Variants in MYRIP observed in about 807,000 individuals in gnomAD.
MYRIP encodes myosin VIIA and Rab interacting protein, also known as rab effector MyRIP.
MYRIP carries 49 observed loss-of-function variants against 98.0 expected under a neutral mutation model. The ratio of observed to expected loss-of-function variants is 0.50; its 90% CI spans 0.40 to 0.63. MYRIP has a LOEUF of 0.63. MYRIP is among the 30% of genes least tolerant of loss of function. MYRIP has a pLI of 0.00. For missense variants in MYRIP, 1,004 were observed against 1,058.2 expected (o/e 0.95, Z 0.71); for synonymous variants, 404 against 409.5 (o/e 0.99, Z 0.16).
At chr3:39,909,664 C>T (rs1943968378) in intron 2 of MYRIP, among the ~76,000 whole-genome samples, 1 of 152,048 alleles carries the variant, frequency 6.6e-6, no homozygotes, top group Admixed American at 6.5e-5. Context: ...TGGATTGACA[C>T]ATAGGTCTGA....
chr3:39,923,394 C>T (rs2125692984), intron 2 of MYRIP, among the ~76,000 whole-genome samples: 1 of 152,086 alleles, frequency 6.6e-6, no homozygotes, highest in East Asian at 1.9e-4. Flanking sequence ...CAAGACACAT[C>T]CTAACTATAC....
intron 1 of MYRIP, chr3:39,810,793 G>T (rs1003696812): frequency 5.3e-5 from 8 of 152,188 alleles, no homozygotes; most frequent in Non-Finnish European, 1.0e-4. Flanking sequence ...GGATAAGTAC[G>T]TATCCCAAAA....
chr3:40,126,318 T>C (rs1949525570), intron 3 of MYRIP, among the ~76,000 whole-genome samples: 1 of 152,170 alleles, frequency 6.6e-6, no homozygotes, highest in African/African-American at 2.4e-5. Context: ...CATATTCACG[T>C]TTAAGAACTG....
At chr3:39,891,473 C>T (rs75141965) in intron 1 of MYRIP, among the ~76,000 whole-genome samples, 3,684 of 152,172 alleles carry the variant, frequency 0.024, 107 homozygotes, top group East Asian at 0.09. Context: ...CTATTGAAGA[C>T]TTTCAGATTA....
At chr3:39,938,496 G>A (rs552058781) in intron 2 of MYRIP, among the ~76,000 whole-genome samples, 1 of 152,172 alleles carries the variant, frequency 6.6e-6, no homozygotes, top group South Asian at 2.1e-4. Flanking sequence ...CCCAAAGATG[G>A]GATTGCTAGG....
At chr3:40,046,984 C>T (rs1947682535) in intron 3 of MYRIP, among the ~76,000 whole-genome samples, 1 of 152,244 alleles carries the variant, frequency 6.6e-6, no homozygotes, top group Admixed American at 6.5e-5. Flanking sequence ...GAGTTGTATG[C>T]AGGCATCTAT....
chr3:40,143,614 C>T (rs1949953684), intron 3 of MYRIP, among the ~76,000 whole-genome samples: 1 of 152,184 alleles, frequency 6.6e-6, no homozygotes, highest in Admixed American at 6.5e-5. Context: ...ATCGAAAACA[C>T]ATTACTACTT....
intron 3 of MYRIP, among the ~76,000 whole-genome samples, chr3:40,099,849 A>C (rs1006172450): frequency 6.6e-6 from 1 of 152,168 alleles, no homozygotes; most frequent in African/African-American, 2.4e-5. Flanking sequence ...AAAAGTAAAA[A>C]TTCATGTAAC....
At chr3:40,072,848 A>T (rs1948261339) in intron 3 of MYRIP, among the ~76,000 whole-genome samples, 1 of 151,938 alleles carries the variant, frequency 6.6e-6, no homozygotes, top group African/African-American at 2.4e-5. Context: ...AAAAATGTAT[A>T]TTGTGCAGTT....
At chr3:40,146,875 T>C (rs1037270139) in intron 3 of MYRIP, among the ~76,000 whole-genome samples, 15 of 152,226 alleles carry the variant, frequency 9.9e-5, no homozygotes, top group African/African-American at 3.6e-4. Context: ...AGAACACTCA[T>C]CTAATGTCAG....
At chr3:39,937,183 TC>T (rs1944672222) in intron 2 of MYRIP, among the ~76,000 whole-genome samples, 1 of 152,164 alleles carries the variant, frequency 6.6e-6, no homozygotes, top group African/African-American at 2.4e-5. Flanking sequence ...TCCCCTGCCT[TC>T]CTATAGGCAG....
chr3:40,244,537 A>C lies in MYRIP; in HGVS notation c.2192A>C (p.Glu731Ala), dbSNP rs148386271. 62 of 1,613,966 alleles carry C rather than the reference A, an allele frequency of 3.8e-5. No homozygotes were observed. Among genetic ancestry groups the C allele is most frequent in the Admixed American group, 6.7e-5 (4 of 59,998 alleles). ...AARCIHSGTDETHLADLEDQV... is the reference protein window; with the variant it reads ...AARCIHSGTDATHLADLEDQV... ...CGCTGCATCCACAGTGGCACTGATG[A>C]GACCCATCTGGCGGATCTGGAGGAC... The change falls in exon 13 of 17, where the codon GAG becomes GCG. Residue 731 changes from glutamate (E) to alanine (A), a missense_variant. Physicochemically the swap from Glu to Ala is moderately radical, Grantham distance 107. This residue lies in a region of MYRIP where 880 missense variants were observed against 907.7 expected (regional missense o/e 0.97). Coordinates refer to ENST00000302541, the MANE Select transcript of MYRIP (RefSeq NM_015460.4).
intron 11 of MYRIP, chr3:40,232,898 G>C (rs1952702281): frequency 6.6e-6 from 1 of 152,186 alleles, no homozygotes; most frequent in African/African-American, 2.4e-5. Context: ...ACAGATAGGG[G>C]ATCTTTTTTT....
At chr3:40,227,673 A>G (rs1286343278) in intron 11 of MYRIP, among the ~76,000 whole-genome samples, 1 of 152,206 alleles carries the variant, frequency 6.6e-6, no homozygotes, top group African/African-American at 2.4e-5. Flanking sequence ...AGTTAAAGAA[A>G]AATGTTTCAA....
chr3:40,084,408 G>T, intron 3 of MYRIP, among the ~76,000 whole-genome samples: 4 of 129,820 alleles, frequency 3.1e-5, no homozygotes, highest in Admixed American at 8.0e-5. Context: ...ACACATCTAT[G>T]TATTATCTAT....
intron 2 of MYRIP, among the ~76,000 whole-genome samples, chr3:40,004,086 A>G (rs1261075917): frequency 6.6e-6 from 1 of 152,170 alleles, no homozygotes; most frequent in Non-Finnish European, 1.5e-5. Flanking sequence ...GTTTCAATCT[A>G]GTGGATTTCA....
intron 9 of MYRIP, 102 bp from the exon 10 acceptor site, chr3:40,189,724 C>A: frequency 7.8e-7 from 1 of 1,285,218 alleles, no homozygotes; most frequent in Admixed American, 2.3e-5. Context: ...TGCTCTCCAA[C>A]AGCCCCACAA....
chr3:40,064,744 G>A (rs1948091748), intron 3 of MYRIP, among the ~76,000 whole-genome samples: 1 of 152,162 alleles, frequency 6.6e-6, no homozygotes, highest in African/African-American at 2.4e-5. Context: ...CATGAAGGTA[G>A]GTGTTGGTCT....
intron 1 of MYRIP, among the ~76,000 whole-genome samples, chr3:39,885,562 AG>A (rs1943273071): frequency 6.6e-6 from 1 of 152,102 alleles, no homozygotes; most frequent in South Asian, 2.1e-4. Flanking sequence ...AGATTGGGGA[AG>A]TTCTCCTGGA....
Sources: allele counts gnomAD v4.1 joint callset (sites outside exome capture counted in the v4.1 genomes callset), GRCh38; gene constraint gnomAD v4.1.1; regional missense constraint gnomAD v4.1.1; transcripts MANE v1.5; gene names NCBI Gene and HGNC (gene_info 2026-07-23, HGNC 2026-07-21).